The following INSR variants were observed in gnomAD, a reference collection of about 807,000 sequenced individuals.
The protein encoded by INSR is insulin receptor.
In INSR, 67 loss-of-function variants were observed where a neutral mutation model predicts 142.6. That is an observed-to-expected ratio of 0.47 (90% CI 0.39 to 0.58). INSR has a LOEUF of 0.58. Ranked by LOEUF, INSR falls within the 20% of genes least tolerant of loss-of-function variation. The pLI is 0.00. For missense variants in INSR, 1,248 were observed against 1,833.2 expected (o/e 0.68, Z 5.83); for synonymous variants, 756 against 743.1 (o/e 1.02, Z -0.28).
intron 2 of INSR, among the ~76,000 whole-genome samples, chr19:7,246,484 T>C (rs1040392561): frequency 1.4e-4 from 21 of 152,156 alleles, no homozygotes; most frequent in African/African-American, 4.1e-4. Context: ...AACCCACTGG[T>C]TGATCCCAGA....
At chr19:7,222,656 G>A (rs1975656055) in intron 2 of INSR, among the ~76,000 whole-genome samples, 1 of 151,858 alleles carries the variant, frequency 6.6e-6, no homozygotes, top group African/African-American at 2.4e-5. Context: ...GCCTCCCAAA[G>A]TGCTGGGATT....
chr19:7,223,908 T>A (rs547665261), intron 2 of INSR, among the ~76,000 whole-genome samples: 4 of 152,108 alleles, frequency 2.6e-5, no homozygotes, highest in Admixed American at 2.6e-4. Flanking sequence ...ATTTCCCATC[T>A]TCCCTCCTCT....
chr19:7,126,022 T>C (rs1279866577), intron 16 of INSR, among the ~76,000 whole-genome samples: 1 of 152,052 alleles, frequency 6.6e-6, no homozygotes, highest in Non-Finnish European at 1.5e-5. Flanking sequence ...TCAACAAGAA[T>C]TGTCCAAGCA....
At chr19:7,288,115 T>C (rs2145252063) in intron 1 of INSR, among the ~76,000 whole-genome samples, 1 of 152,078 alleles carries the variant, frequency 6.6e-6, no homozygotes, top group South Asian at 2.1e-4. Context: ...ATCCCAGCAC[T>C]TGGGAGGCCC....
chr19:7,147,293 GTCTCCT>G (rs765264943), intron 11 of INSR, among the ~76,000 whole-genome samples: 8 of 151,872 alleles, frequency 5.3e-5, no homozygotes, highest in Non-Finnish European at 8.8e-5. Flanking sequence ...TTCTGCCTCA[GTCTCCT>G]GAGTAGCTGG....
chr19:7,155,608 G>A (rs894937905), intron 9 of INSR, among the ~76,000 whole-genome samples: 2 of 99,154 alleles, frequency 2.0e-5, no homozygotes, highest in Admixed American at 1.7e-4. Context: ...AATGGTGGGA[G>A]GGGGTTAGAA....
At position 7,139,361 on chromosome 19, in the gene INSR, C is replaced by A. The variant is rs571876457; in HGVS notation, c.2682+2316G>T. 7.2e-4 allele frequency among the ~76,000 whole-genome samples: 109 copies of A among 152,282 alleles called. 1 individual carries two copies. In the South Asian group the frequency reaches 0.022, roughly 31 times the overall value. On this transcript the variant is annotated intron_variant, in intron 13 of 21. Coordinates refer to ENST00000302850, the MANE Select transcript of INSR (RefSeq NM_000208.4). ...TCAATCCAAAAAGCTAAAATGGTTTCCAGATAAAATTAGTATTACCTAACA... is the reference window on the plus strand; with the variant it reads ...TCAATCCAAAAAGCTAAAATGGTTTACAGATAAAATTAGTATTACCTAACA...
chr19:7,243,481 A>C (rs1976433949), intron 2 of INSR, among the ~76,000 whole-genome samples: 1 of 151,980 alleles, frequency 6.6e-6, no homozygotes, highest in African/African-American at 2.4e-5. Flanking sequence ...CCTGACCTCC[A>C]GTGATCTACC....
chr19:7,199,517 C>T (rs1466793963), intron 2 of INSR, among the ~76,000 whole-genome samples: 1 of 151,472 alleles, frequency 6.6e-6, no homozygotes, highest in African/African-American at 2.4e-5. Flanking sequence ...TCCGCTTCAG[C>T]CTCCCAAGGA....
chr19:7,121,615 C>T (rs1296045204), intron 19 of INSR, among the ~76,000 whole-genome samples: 2 of 151,938 alleles, frequency 1.3e-5, no homozygotes, highest in East Asian at 3.9e-4. Flanking sequence ...CACAGGTGTG[C>T]ACCACCACAC....
Position 7,143,094 on chromosome 19 carries a change from G to T in INSR, c.2268-4C>A. On this transcript the variant is annotated splice_polypyrimidine_tract_variant and splice_region_variant and intron_variant, in intron 11 of 21. Coordinates refer to ENST00000302850, the MANE Select transcript of INSR (RefSeq NM_000208.4). ...GGACCTGCGTTTCCGAGATGGCCTGGAACGACAGTAGGACATGTATGATGA... is the reference window on the plus strand; with the variant it reads ...GGACCTGCGTTTCCGAGATGGCCTGTAACGACAGTAGGACATGTATGATGA... 1 of 1,614,144 alleles carries T rather than the reference G, an allele frequency of 6.2e-7. No individual in the cohort carries two copies. The highest frequency in any genetic ancestry group is 8.5e-7 in the Non-Finnish European group (1 of 1,180,020).
At chr19:7,259,939 A>T (rs1332616707) in intron 2 of INSR, among the ~76,000 whole-genome samples, 2 of 152,126 alleles carry the variant, frequency 1.3e-5, no homozygotes, top group Non-Finnish European at 2.9e-5. Flanking sequence ...CAGGAGTTTG[A>T]GACCGACCTG....
intron 10 of INSR, 178 bp downstream of exon 10, chr19:7,152,548 C>T: frequency 1.4e-6 from 1 of 690,702 alleles, no homozygotes; most frequent in Non-Finnish European, 2.6e-6. Context: ...GATAAAATTC[C>T]CCTCGAAATT....
At chr19:7,121,019 A>G (rs936659950) in intron 19 of INSR, among the ~76,000 whole-genome samples, 1 of 151,762 alleles carries the variant, frequency 6.6e-6, no homozygotes, top group East Asian at 1.9e-4. Context: ...TTTCTTTGAT[A>G]TGGAGCCTCA....
chr19:7,162,567 T>G (rs1416693865), intron 9 of INSR, among the ~76,000 whole-genome samples: 2 of 150,586 alleles, frequency 1.3e-5, no homozygotes, highest in Non-Finnish European at 2.9e-5. Flanking sequence ...TCCCAGCACT[T>G]TGGGAGGCCA....
chr19:7,200,631 G>T (rs953882603), intron 2 of INSR, among the ~76,000 whole-genome samples: 5 of 152,160 alleles, frequency 3.3e-5, no homozygotes, highest in Admixed American at 1.3e-4. Flanking sequence ...TTGAGCCTAG[G>T]AGTTCAAGAC....
intron 13 of INSR, among the ~76,000 whole-genome samples, 185 bp from the exon 14 acceptor site, chr19:7,132,502 A>G (rs576097004): frequency 6.6e-6 from 1 of 152,336 alleles, no homozygotes; most frequent in African/African-American, 2.4e-5. Flanking sequence ...GCTATGGATA[A>G]AGATATATGC....
intron 1 of INSR, among the ~76,000 whole-genome samples, chr19:7,290,303 G>A (rs1968456156): frequency 6.6e-6 from 1 of 152,130 alleles, no homozygotes; most frequent in Non-Finnish European, 1.5e-5. Flanking sequence ...CTACTACGGA[G>A]GCTAAAATAG....
At chr19:7,293,133 A>G (rs977345902) in intron 1 of INSR, among the ~76,000 whole-genome samples, 3 of 152,182 alleles carry the variant, frequency 2.0e-5, no homozygotes, top group South Asian at 2.1e-4. Context: ...GGTGATACCA[A>G]TTACAATAAA....
Sources: gnomAD v4.1 joint callset for allele counts (sites outside exome capture counted in the v4.1 genomes callset) on GRCh38, gnomAD v4.1.1 for gene constraint, MANE v1.5 for transcripts, NCBI Gene and HGNC (gene_info 2026-07-23, HGNC 2026-07-21) for gene names.